Variants in USP47 observed in about 807,000 individuals in gnomAD.
The protein encoded by USP47 is ubiquitin specific peptidase 47.
USP47 carries 35 observed loss-of-function variants against 165.1 expected under a neutral mutation model. The observed-to-expected ratio is 0.21, with a 90% CI of 0.16 to 0.28. The LOEUF (loss-of-function observed/expected upper bound fraction) is 0.28, where lower values mean the gene tolerates loss of function less well. USP47 is among the 10% of genes least tolerant of loss of function. The pLI, the probability that USP47 is intolerant of heterozygous loss-of-function variation, is 1.00. For missense variants in USP47, 1,277 were observed against 1,607.4 expected (o/e 0.79, Z 3.52); for synonymous variants, 531 against 544.5 (o/e 0.98, Z 0.35).
chr11:11,929,081 T>C (rs1396689232), intron 11 of USP47, among the ~76,000 whole-genome samples: 1 of 152,074 alleles, frequency 6.6e-6, no homozygotes, highest in Non-Finnish European at 1.5e-5. Context: ...CTTCGGATTT[T>C]TTTTATCGAC....
intron 4 of USP47, 79 bp downstream of exon 4, chr11:11,892,185 T>C: frequency 6.9e-7 from 1 of 1,452,492 alleles, no homozygotes; most frequent in Non-Finnish European, 9.3e-7. Flanking sequence ...CTAATCCTCT[T>C]ATTTTATGGA....
chr11:11,924,137 A>G (rs1461063764), intron 11 of USP47, among the ~76,000 whole-genome samples: 1 of 152,164 alleles, frequency 6.6e-6, no homozygotes, highest in East Asian at 1.9e-4. Context: ...GTTGACTTTC[A>G]GTTTTTTATG....
chr11:11,884,291 T>G (rs544439262), intron 2 of USP47, among the ~76,000 whole-genome samples, 176 bp from the exon 3 acceptor site: 2 of 152,304 alleles, frequency 1.3e-5, no homozygotes, highest in East Asian at 3.9e-4. Context: ...GTATGCACTG[T>G]TACTGGGCTT....
chr11:11,904,836 A>G (rs1852445892), intron 7 of USP47, among the ~76,000 whole-genome samples: 1 of 152,154 alleles, frequency 6.6e-6, no homozygotes, highest in Non-Finnish European at 1.5e-5. Flanking sequence ...ATGGTGTAAT[A>G]TTTCTCTATA....
rs190035952 is a variant in USP47, at chr11:11,933,089, A to G, written c.1737A>G (p.Gln579=). Residue 579 remains glutamine (Q), a synonymous_variant, in exon 15 of 28, where the codon CAA becomes CAG. Coordinates refer to ENST00000527733, the MANE Select transcript of USP47 (RefSeq NM_001282659.2). The part of the protein sequence containing the change: ...ERELEEQEKR[Q]REIERNTCKI... The stretch of plus-strand genomic sequence containing the variant: ...AGTTGGAAGAACAAGAAAAGAGACA[A>G]CGAGAAATTGAGCGCAATACATGCA... 2.5e-6 allele frequency: 4 copies of G among 1,613,306 alleles called. No individual in the cohort carries two copies. The Admixed American group carries it at 5.0e-5, about 20-fold the overall frequency.
intron 3 of USP47, among the ~76,000 whole-genome samples, chr11:11,886,675 A>G (rs1303503693): frequency 6.6e-6 from 1 of 152,196 alleles, no homozygotes; most frequent in Non-Finnish European, 1.5e-5. Context: ...ATACTTAAGG[A>G]TGTCATCCAG....
chr11:11,930,671 T>C (rs1854601965), intron 13 of USP47, 25 bp from the exon 14 acceptor site: 4 of 1,552,682 alleles, frequency 2.6e-6, no homozygotes, highest in African/African-American at 1.4e-5. Context: ...TTTGTCCTTA[T>C]TAATCTTTTT....
At chr11:11,905,356 T>G in intron 7 of USP47, 43 bp from the exon 8 acceptor site, 1 of 1,466,930 alleles carries the variant, frequency 6.8e-7, no homozygotes, top group Non-Finnish European at 9.3e-7. Context: ...TTTTAAAGGT[T>G]ATTTTTAAGG....
intron 8 of USP47, among the ~76,000 whole-genome samples, chr11:11,907,982 G>A (rs1852688718): frequency 6.6e-6 from 1 of 152,082 alleles, no homozygotes; most frequent in African/African-American, 2.4e-5. Flanking sequence ...CAGCTACTCG[G>A]GAGGCAGAGG....
rs1280982166 is a variant in USP47, at chr11:11,955,063, T to C, written c.3792T>C (p.Ser1264=). Residue 1264 remains serine, a synonymous_variant, in exon 27 of 28, where the codon TCT becomes TCC. Coordinates refer to ENST00000527733, the MANE Select transcript of USP47 (RefSeq NM_001282659.2). ...KGRGTFPCDI[S]VLDIHQDLDW... ...GAGGAACATTTCCCTGTGATATTTC[T>C]GTCCTTGATATTCATCAGGATTTAG... The C allele has an allele frequency of 1.2e-6, 2 of 1,613,716 alleles. No individual in the cohort carries two copies. The highest frequency in any genetic ancestry group is 4.5e-5 in the East Asian group (2 of 44,836).
intron 1 of USP47, among the ~76,000 whole-genome samples, chr11:11,873,007 A>G (rs1850167543): frequency 6.6e-6 from 1 of 152,186 alleles, no homozygotes. Flanking sequence ...AAATTGTCCT[A>G]TTTGGTTAAA....
chr11:11,947,086 G>A (rs1855895965), intron 20 of USP47, among the ~76,000 whole-genome samples: 1 of 152,196 alleles, frequency 6.6e-6, no homozygotes. Flanking sequence ...CAGCGAGGCA[G>A]CACTGCCTTA....
chr11:11,906,928 G>GAT (rs1852609560), intron 8 of USP47, among the ~76,000 whole-genome samples: 1 of 152,046 alleles, frequency 6.6e-6, no homozygotes, highest in African/African-American at 2.4e-5. Flanking sequence ...AGTCCCAAGT[G>GAT]ATATGGACTA....
intron 20 of USP47, chr11:11,943,817 T>G (rs1490372123): frequency 1.3e-5 from 2 of 152,150 alleles, no homozygotes; most frequent in African/African-American, 2.4e-5. Context: ...TACAAAATCT[T>G]TCTTCAAGTG....
intron 8 of USP47, among the ~76,000 whole-genome samples, chr11:11,911,130 G>A (rs556603377): frequency 4.7e-4 from 72 of 152,192 alleles, no homozygotes; most frequent in Non-Finnish European, 7.4e-4. Context: ...GAGACAGTAG[G>A]TCGAATCTGT....
chr11:11,955,092 G>A lies in USP47; in HGVS notation c.3821G>A (p.Trp1274Ter). The A allele has an allele frequency of 6.2e-7, 1 of 1,613,760 alleles. No individual in the cohort carries two copies. Among genetic ancestry groups the A allele is most frequent in the Non-Finnish European group, 8.5e-7 (1 of 1,179,856 alleles). Residue 1274 changes from tryptophan to a stop codon, truncating the protein, a stop_gained, in exon 27 of 28, where the codon TGG becomes TAG. Coordinates refer to ENST00000527733, the MANE Select transcript of USP47 (RefSeq NM_001282659.2). LOFTEE classifies it high-confidence loss of function. ...SVLDIHQDLD[W>*]NPKVSTLNVW... ...CTTGATATTCATCAGGATTTAGACT[G>A]GAATCCTAAAGTTTCTACCCTGAAT... is the stretch of plus-strand genomic sequence containing the variant.
At position 11,918,334 on chromosome 11, in the gene USP47, C is replaced by CA. The variant is rs146100329; in HGVS notation, c.970-1820dup. 1.4e-3 allele frequency among the ~76,000 whole-genome samples: 212 copies of CA among 152,094 alleles called. 2 individuals carry two copies. The highest frequency in any genetic ancestry group is 4.5e-3 in the African/African-American group (187 of 41,512). On this transcript the variant is annotated intron_variant, in intron 8 of 27. Transcript: ENST00000527733. ...GAATGCCTCGAGATTAAAGGAATCTCAAGAGACCAAACAAAATCTGTGGCC... is the reference window on the plus strand; with the variant it reads ...GAATGCCTCGAGATTAAAGGAATCTCAAAGAGACCAAACAAAATCTGTGGCC...
chr11:11,941,555 C>A (rs893367964), intron 19 of USP47, among the ~76,000 whole-genome samples: 2 of 151,868 alleles, frequency 1.3e-5, no homozygotes, highest in African/African-American at 4.8e-5. Context: ...ATAGAGTGAA[C>A]CCCCACACAT....
chr11:11,860,087 G>GAAGGAAAAAAAAA (rs1849288848), intron 1 of USP47, among the ~76,000 whole-genome samples: 1 of 121,830 alleles, frequency 8.2e-6, no homozygotes, highest in Non-Finnish European at 1.8e-5. Flanking sequence ...CTGGGCAACA[G>GAAGGAAAAAAAAA]AAGGAAAAAA....
Sources: gnomAD v4.1 joint callset for allele counts (sites outside exome capture counted in the v4.1 genomes callset) on GRCh38, gnomAD v4.1.1 for gene constraint, MANE v1.5 for transcripts, NCBI Gene and HGNC (gene_info 2026-07-23, HGNC 2026-07-21) for gene names.